The following FMN1 variants were observed in gnomAD, a reference collection of about 807,000 sequenced individuals.
FMN1 encodes formin-1.
In FMN1, 110 loss-of-function variants were observed where a neutral mutation model predicts 132.4. The observed-to-expected ratio is 0.83, with a 90% CI of 0.71 to 0.97. FMN1 has a LOEUF of 0.97. Ranked by LOEUF, FMN1 falls within the 50% of genes least tolerant of loss-of-function variation. The probability of loss-of-function intolerance (pLI) is 0.00; values close to 1 mark genes in which losing one functional copy is unlikely to be tolerated. For missense variants in FMN1, 1,792 were observed against 1,705.3 expected, an observed-to-expected ratio of 1.05 and a Z score of -0.90; for synonymous variants, 722 against 651.7, an observed-to-expected ratio of 1.11 and a Z score of -1.64.
chr15:33,035,226 G>A (rs1168151129), intron 6 of FMN1, among the ~76,000 whole-genome samples: 5 of 152,162 alleles, frequency 3.3e-5, no homozygotes, highest in African/African-American at 1.2e-4. Flanking sequence ...CATATTTTAA[G>A]ATATCCACAA....
intron 6 of FMN1, 144 bp from the exon 7 acceptor site, chr15:33,008,219 AAGAT>A (rs1473949022): frequency 2.1e-5 from 14 of 672,786 alleles, no homozygotes; most frequent in African/African-American, 1.1e-4. Context: ...AAATTACAGA[AAGAT>A]AGGACAAGTA....
intron 17 of FMN1, among the ~76,000 whole-genome samples, chr15:32,827,056 C>T (rs927709206): frequency 1.4e-4 from 22 of 152,266 alleles, no homozygotes; most frequent in Admixed American, 3.9e-4. Context: ...TCTGAATATG[C>T]GTTTATTTTT....
chr15:33,090,204 C>T (rs763716009), intron 4 of FMN1, among the ~76,000 whole-genome samples: 1 of 152,090 alleles, frequency 6.6e-6, no homozygotes, highest in Non-Finnish European at 1.5e-5. Flanking sequence ...GTTGAATATA[C>T]GACAGAGTGT....
chr15:32,981,472 C>G (rs182430425), intron 7 of FMN1, among the ~76,000 whole-genome samples: 2 of 150,332 alleles, frequency 1.3e-5, no homozygotes, highest in African/African-American at 4.9e-5. Context: ...GAGCCGAGAT[C>G]GCGCCACTGC....
chr15:32,868,079 T>C (rs2059434442), intron 16 of FMN1, among the ~76,000 whole-genome samples: 1 of 152,216 alleles, frequency 6.6e-6, no homozygotes. Context: ...CTGTAGTACA[T>C]GTACACTCAT....
intron 7 of FMN1, among the ~76,000 whole-genome samples, chr15:32,988,215 T>C (rs1273607171): frequency 6.6e-6 from 1 of 152,024 alleles, no homozygotes; most frequent in Non-Finnish European, 1.5e-5. Flanking sequence ...ATCTGAGAAT[T>C]AGAAAATAAT....
chr15:32,783,391 G>A (rs75231764), intron 19 of FMN1, among the ~76,000 whole-genome samples: 1,834 of 152,254 alleles, frequency 0.012, 35 homozygotes, highest in African/African-American at 0.041. Flanking sequence ...AGACACAAGT[G>A]TAAGATGGGA....
chr15:32,808,583 T>G (rs542931462), intron 17 of FMN1, among the ~76,000 whole-genome samples: 9 of 152,182 alleles, frequency 5.9e-5, no homozygotes, highest in Admixed American at 1.3e-4. Context: ...TGGGTGATCG[T>G]CAGAAAATCA....
intron 6 of FMN1, chr15:33,012,088 A>C (rs2034760013): frequency 5.1e-6 from 2 of 393,040 alleles, no homozygotes; most frequent in African/African-American, 4.1e-5. Context: ...ACAGCACCAA[A>C]GGAAGCATTG....
At chr15:32,872,286 A>G (rs1480378169) in intron 16 of FMN1, among the ~76,000 whole-genome samples, 1 of 152,232 alleles carries the variant, frequency 6.6e-6, no homozygotes, top group African/African-American at 2.4e-5. Context: ...GTCATTTGTG[A>G]AGAACATATA....
chr15:32,982,987 A>G (rs1364590549), intron 7 of FMN1, among the ~76,000 whole-genome samples: 1 of 152,138 alleles, frequency 6.6e-6, no homozygotes, highest in Non-Finnish European at 1.5e-5. Context: ...TACATTTTAA[A>G]ATATTCACAT....
intron 3 of FMN1, among the ~76,000 whole-genome samples, chr15:33,164,824 A>T (rs1018497439): frequency 7.2e-5 from 11 of 152,178 alleles, no homozygotes; most frequent in Admixed American, 7.2e-4. Context: ...AGGTATATAT[A>T]CTTATGGGGT....
intron 16 of FMN1, among the ~76,000 whole-genome samples, chr15:32,887,247 T>C (rs2059917291): frequency 6.6e-6 from 1 of 152,224 alleles, no homozygotes; most frequent in Non-Finnish European, 1.5e-5. Context: ...AAAATATTCC[T>C]GGTTGAAGCC....
At chr15:33,147,722 C>G (rs949669068) in intron 4 of FMN1, among the ~76,000 whole-genome samples, 11 of 152,144 alleles carry the variant, frequency 7.2e-5, no homozygotes, top group African/African-American at 9.7e-5. Context: ...GAGAAAAATA[C>G]TCATTTATTT....
Position 32,769,605 on chromosome 15 carries a change from T to C in FMN1, c.*4705A>G, listed in dbSNP as rs1439169554. 1.3e-5 allele frequency: 2 copies of C among 152,234 alleles called. No homozygotes were observed. The highest frequency in any genetic ancestry group is 4.8e-5 in the African/African-American group (2 of 41,462). The allele number at this position is 152,234 out of a possible 1,614,324, so 9.4% of individuals were successfully genotyped here. Reference sequence around the variant, plus strand: ...TTTCTTTAAGCCACTTCTATACTAATAACAGTTTCCAGGCAGCTGGATTGT... The same window carrying C: ...TTTCTTTAAGCCACTTCTATACTAACAACAGTTTCCAGGCAGCTGGATTGT... On this transcript the variant is annotated 3_prime_UTR_variant, in exon 21 of 21. Transcript: ENST00000616417.
chr15:32,910,612 C>T (rs1039068111), intron 10 of FMN1, 77 bp from the exon 11 acceptor site: 1 of 1,083,872 alleles, frequency 9.2e-7, no homozygotes, highest in African/African-American at 1.6e-5. Flanking sequence ...CCACATCCAG[C>T]TTCCAAGCAA....
chr15:33,114,592 C>T (rs549096227), intron 4 of FMN1, among the ~76,000 whole-genome samples: 151 of 152,260 alleles, frequency 9.9e-4, no homozygotes, highest in Non-Finnish European at 1.6e-3. Flanking sequence ...CGAGTCTCTC[C>T]TCGTCTCATG....
chr15:32,839,236 A>G (rs2058693914), intron 17 of FMN1, among the ~76,000 whole-genome samples: 1 of 152,092 alleles, frequency 6.6e-6, no homozygotes, highest in African/African-American at 2.4e-5. Context: ...ACCCACTCCC[A>G]GCAGAACTGG....
chr15:33,167,310 T>G (rs1965147914), intron 3 of FMN1, among the ~76,000 whole-genome samples: 1 of 152,238 alleles, frequency 6.6e-6, no homozygotes, highest in African/African-American at 2.4e-5. Flanking sequence ...CAAGGTCTGT[T>G]GCCTGCTACC....
Sources: gnomAD v4.1 joint callset for allele counts (sites outside exome capture counted in the v4.1 genomes callset) on GRCh38, gnomAD v4.1.1 for gene constraint, MANE v1.5 for transcripts, NCBI Gene and HGNC (gene_info 2026-07-23, HGNC 2026-07-21) for gene names.